Variants in LYZL2 observed in about 807,000 individuals in gnomAD.
The protein encoded by LYZL2 is lysozyme like 2, also known as lysozyme-like protein 2.
In LYZL2, 13 loss-of-function variants were observed where a neutral mutation model predicts 17.1. The ratio of observed to expected loss-of-function variants is 0.76; its 90% CI spans 0.49 to 1.21. LYZL2 has a LOEUF of 1.21. LYZL2 is among the 50% of genes most tolerant of loss of function. The pLI is 0.00. For synonymous variants in LYZL2, 63 were observed against 74.4 expected (o/e 0.85, Z 0.79); for missense variants, 166 against 189.2 (o/e 0.88, Z 0.72).
chr10:30,628,398 T>C lies in LYZL2; in HGVS notation c.-26+1195A>G, dbSNP rs551958690. 4.3e-3 allele frequency among the ~76,000 whole-genome samples: 647 copies of C among 152,130 alleles called. 4 individuals are homozygous for C. Among genetic ancestry groups the C allele is most frequent in the East Asian group, 0.028 (145 of 5,176 alleles). ...AAGAGGGATGGAGGACAAAGCCTCA[T>C]GAAAGGAGGAAAGCACCTGGGGGAG... is the stretch of plus-strand genomic sequence containing the variant. On this transcript the variant is annotated intron_variant, in intron 1 of 4. Transcript: ENST00000647634.
chr10:30,616,497 A>G (rs1156445431), intron 3 of LYZL2, among the ~76,000 whole-genome samples: 4 of 152,282 alleles, frequency 2.6e-5, no homozygotes, highest in Non-Finnish European at 4.4e-5. Flanking sequence ...ATCCTCTCAA[A>G]ACAAACATCC....
chr10:30,612,060 A>G lies in LYZL2; in HGVS notation c.378-36T>C, dbSNP rs1420130024. Reference sequence around the variant, plus strand: ...GAGGGAAGCAAGAGCAGCAGAAAGAAGCGTGACAATCCAAACCGTCTCAGT... The same window carrying G: ...GAGGGAAGCAAGAGCAGCAGAAAGAGGCGTGACAATCCAAACCGTCTCAGT... On this transcript the variant is annotated intron_variant, in intron 4 of 4. Transcript: ENST00000647634. 2.5e-6 allele frequency: 4 copies of G among 1,608,426 alleles called. No individual in the cohort carries two copies. The African/African-American group carries it at 5.3e-5, about 22-fold the overall frequency.
intron 3 of LYZL2, among the ~76,000 whole-genome samples, chr10:30,617,904 A>G (rs1838560418): frequency 6.6e-6 from 1 of 151,988 alleles, no homozygotes; most frequent in Admixed American, 6.6e-5. Flanking sequence ...TGCAGATGAC[A>G]TGACTGTATA....
intron 3 of LYZL2, among the ~76,000 whole-genome samples, chr10:30,624,182 C>T (rs2132948180): frequency 6.6e-6 from 1 of 152,324 alleles, no homozygotes; most frequent in African/African-American, 2.4e-5. Flanking sequence ...CTCCACCATG[C>T]TCTGTGCACT....
chr10:30,610,534 G>A (rs566526877), downstream of LYZL2, among the ~76,000 whole-genome samples: 29 of 152,192 alleles, frequency 1.9e-4, no homozygotes, highest in African/African-American at 6.7e-4. Context: ...CACACACTGG[G>A]GCCTGTTGAG....
chr10:30,606,317 G>C, the LYZL2 span, among the ~76,000 whole-genome samples: 437 of 151,134 alleles, frequency 2.9e-3, 2 homozygotes, highest in Middle Eastern at 0.01. Flanking sequence ...CAAAATCATA[G>C]AGAAGGAAAA....
At chr10:30,625,381 C>T (rs1346704904) in intron 3 of LYZL2, among the ~76,000 whole-genome samples, 1 of 152,168 alleles carries the variant, frequency 6.6e-6, no homozygotes, top group African/African-American at 2.4e-5. Flanking sequence ...ATCTCTCTTG[C>T]TCAGGCTCAG....
At chr10:30,619,046 T>C (rs1488189307) in intron 3 of LYZL2, among the ~76,000 whole-genome samples, 3 of 152,318 alleles carry the variant, frequency 2.0e-5, no homozygotes, top group East Asian at 3.9e-4. Flanking sequence ...CAAAAGAAGA[T>C]ATTTATGCAG....
At chr10:30,613,410 T>C (rs1838477212) in intron 3 of LYZL2, among the ~76,000 whole-genome samples, 1 of 150,872 alleles carries the variant, frequency 6.6e-6, no homozygotes, top group South Asian at 2.1e-4. Flanking sequence ...GGTGGGAGAA[T>C]CACTTGAGCC....
intron 1 of LYZL2, among the ~76,000 whole-genome samples, chr10:30,628,028 CAT>C (rs1339151741): frequency 1.2e-4 from 19 of 152,182 alleles, no homozygotes. Context: ...GGTGTGGTGG[CAT>C]GTGTCTGTAG....
At chr10:30,614,492 T>G (rs1471302711) in intron 3 of LYZL2, among the ~76,000 whole-genome samples, 1 of 152,240 alleles carries the variant, frequency 6.6e-6, no homozygotes, top group African/African-American at 2.4e-5. Flanking sequence ...TGGCAGGTAC[T>G]GTCTGCTCAT....
At chr10:30,614,389 A>G (rs932458984) in intron 3 of LYZL2, among the ~76,000 whole-genome samples, 7 of 152,262 alleles carry the variant, frequency 4.6e-5, no homozygotes, top group African/African-American at 1.4e-4. Flanking sequence ...TCAGGCCCAC[A>G]TGCCAGGTCT....
At chr10:30,617,692 A>AAAAAAAG in intron 3 of LYZL2, among the ~76,000 whole-genome samples, 2 of 148,448 alleles carry the variant, frequency 1.3e-5, no homozygotes, top group Admixed American at 6.7e-5. Flanking sequence ...AAAAAAAAAA[A>AAAAAAAG]AAAAAAGAAA....
chr10:30,606,690 G>C, the LYZL2 span, among the ~76,000 whole-genome samples: 1 of 152,108 alleles, frequency 6.6e-6, no homozygotes, highest in Non-Finnish European at 1.5e-5. Context: ...CTCAGAGGAG[G>C]TGGGCTTAAC....
intron 1 of LYZL2, among the ~76,000 whole-genome samples, chr10:30,627,223 CA>C (rs1288695297): frequency 1.3e-5 from 2 of 151,942 alleles, no homozygotes; most frequent in African/African-American, 2.4e-5. Flanking sequence ...GTGAAAACCA[CA>C]AGGGGCATTT....
intron 1 of LYZL2, among the ~76,000 whole-genome samples, chr10:30,628,712 A>G (rs558693085): frequency 1.7e-4 from 26 of 152,164 alleles, no homozygotes; most frequent in Non-Finnish European, 2.6e-4. Context: ...CCTGCATTGA[A>G]AGGCTAGGCC....
intron 3 of LYZL2, among the ~76,000 whole-genome samples, chr10:30,615,333 G>A (rs747343211): frequency 6.6e-6 from 1 of 152,216 alleles, no homozygotes; most frequent in East Asian, 1.9e-4. Flanking sequence ...ATCTACAAAA[G>A]TTGAACTCAT....
downstream of LYZL2, among the ~76,000 whole-genome samples, chr10:30,609,382 G>A (rs76946781): frequency 8.8e-3 from 1,343 of 152,282 alleles, 10 homozygotes; most frequent in Non-Finnish European, 0.015. Context: ...AGGCTTTAGG[G>A]GAGAAGCACA....
chr10:30,608,011 C>T (rs73245058), downstream of LYZL2, among the ~76,000 whole-genome samples: 606 of 152,294 alleles, frequency 4.0e-3, 1 homozygote, highest in African/African-American at 0.013. Flanking sequence ...GGTATAATTA[C>T]AGCTCACTGC....
Sources: gnomAD v4.1 joint callset for allele counts (sites outside exome capture counted in the v4.1 genomes callset) on GRCh38, gnomAD v4.1.1 for gene constraint, MANE v1.5 for transcripts, NCBI Gene and HGNC (gene_info 2026-07-23, HGNC 2026-07-21) for gene names.